Variants in UACA observed in about 807,000 individuals in gnomAD.
The protein encoded by UACA is uveal autoantigen with coiled-coil domains and ankyrin repeats.
UACA carries 112 observed loss-of-function variants against 160.5 expected under a neutral mutation model. The observed-to-expected ratio is 0.70, with a 90% CI of 0.60 to 0.82. The LOEUF (loss-of-function observed/expected upper bound fraction) is 0.82, where lower values mean the gene tolerates loss of function less well. UACA is among the 40% of genes least tolerant of loss of function. The pLI is 0.00. For synonymous variants in UACA, 557 were observed against 568.4 expected, an observed-to-expected ratio of 0.98 and a Z score of 0.29; for missense variants, 1,574 against 1,614.6, an observed-to-expected ratio of 0.97 and a Z score of 0.43.
rs370099766 is a variant in UACA, at chr15:70,763,482, G to T, written c.-75C>A. Reference sequence around the variant, plus strand: ...CAGCGCGCAAGGAGTAGACGGCAGCGGCTGCAGCAGAGGCGGCGCGGGCTG... The same window carrying T: ...CAGCGCGCAAGGAGTAGACGGCAGCTGCTGCAGCAGAGGCGGCGCGGGCTG... On this transcript the variant is annotated 5_prime_UTR_variant, in exon 1 of 19. Transcript: ENST00000322954. The T allele has an allele frequency of 4.0e-6, 5 of 1,260,634 alleles. No homozygotes were observed. Among genetic ancestry groups the T allele is most frequent in the South Asian group, 6.6e-5 (2 of 30,196 alleles). 78.1% of individuals were successfully genotyped at this position (1,260,634 alleles called of 1,614,324 possible).
intron 1 of UACA, among the ~76,000 whole-genome samples, chr15:70,749,981 A>G (rs1232353763): frequency 1.3e-5 from 2 of 152,182 alleles, no homozygotes; most frequent in Admixed American, 1.3e-4. Flanking sequence ...TGAACAGTGC[A>G]TCAAACCCAG....
At position 70,679,593 on chromosome 15, in the gene UACA, T is replaced by C. The variant is rs777097477; in HGVS notation, c.891+15A>G. ...TTGTTTTTAAAGGAAGACACCATTATTTTTTTCTTTTTACCTGAATATTTT... is the reference window on the plus strand; with the variant it reads ...TTGTTTTTAAAGGAAGACACCATTACTTTTTTCTTTTTACCTGAATATTTT... On this transcript the variant is annotated intron_variant, in intron 10 of 18. Transcript: ENST00000322954. The C allele has an allele frequency of 5.2e-6, 8 of 1,552,808 alleles. No individual in the cohort carries two copies. Among genetic ancestry groups the C allele is most frequent in the Non-Finnish European group, 7.0e-6 (8 of 1,139,596 alleles).
intron 3 of UACA, among the ~76,000 whole-genome samples, chr15:70,693,036 T>C (rs1897995037): frequency 6.6e-6 from 1 of 152,200 alleles, no homozygotes; most frequent in African/African-American, 2.4e-5. Flanking sequence ...CATTTCAAAT[T>C]TCAATTTGCT....
intron 1 of UACA, among the ~76,000 whole-genome samples, chr15:70,756,354 T>A (rs887201280): frequency 1.3e-5 from 2 of 151,610 alleles, no homozygotes; most frequent in African/African-American, 4.8e-5. Flanking sequence ...AGAGACAAGG[T>A]TTTACCATGT....
At chr15:70,687,261 T>A (rs138883182) in intron 7 of UACA, among the ~76,000 whole-genome samples, 86 of 152,320 alleles carry the variant, frequency 5.6e-4, no homozygotes, top group African/African-American at 2.0e-3. Flanking sequence ...TGGGATGTAA[T>A]TCCTCTCTCC....
chr15:70,692,822 C>T (rs1421752906), intron 3 of UACA, among the ~76,000 whole-genome samples: 2 of 152,080 alleles, frequency 1.3e-5, no homozygotes, highest in Admixed American at 6.5e-5. Context: ...GACCTTTTTG[C>T]TAGAAGAGTA....
chr15:70,713,494 G>A (rs893980513), intron 1 of UACA, among the ~76,000 whole-genome samples: 1 of 152,184 alleles, frequency 6.6e-6, no homozygotes, highest in African/African-American at 2.4e-5. Flanking sequence ...AAAGGAGCTT[G>A]GATGTCTGAA....
At position 70,669,160 on chromosome 15, in the gene UACA, C is replaced by T. The variant is rs1473730350; in HGVS notation, c.1524G>A (p.Glu508=). 6.2e-7 allele frequency: 1 copy of T among 1,614,086 alleles called. No individual in the cohort carries two copies. Among genetic ancestry groups the T allele is most frequent in the Non-Finnish European group, 8.5e-7 (1 of 1,179,996 alleles). Residue 508 remains glutamate (E), a synonymous_variant, in exon 16 of 19, where the codon GAG becomes GAA. Transcript: ENST00000322954. ...ALKDVQKRMY[E]SEGKVKQMQT... Reference sequence around the variant, plus strand: ...GCATTTGTTTAACTTTACCTTCTGACTCATACATCCTCTTCTGCACATCTT... The same window carrying T: ...GCATTTGTTTAACTTTACCTTCTGATTCATACATCCTCTTCTGCACATCTT...
At chr15:70,764,649 A>G (rs548090088), upstream of UACA, among the ~76,000 whole-genome samples, 2 of 152,258 alleles carry the variant, frequency 1.3e-5, no homozygotes, top group Non-Finnish European at 2.9e-5. Context: ...TACTGTAAGA[A>G]AGTTTTCAGA....
At chr15:70,739,303 T>C (rs1899459582) in intron 1 of UACA, among the ~76,000 whole-genome samples, 1 of 152,162 alleles carries the variant, frequency 6.6e-6, no homozygotes. Flanking sequence ...GAAGAGGTTG[T>C]CCTGCACATT....
At chr15:70,764,950 C>G (rs2030967380), upstream of UACA, among the ~76,000 whole-genome samples, 1 of 152,312 alleles carries the variant, frequency 6.6e-6, no homozygotes, top group East Asian at 1.9e-4. Flanking sequence ...AACCTTCAGT[C>G]TCTTAATTGT....
At chr15:70,712,479 C>A (rs898360321) in intron 1 of UACA, among the ~76,000 whole-genome samples, 3 of 152,104 alleles carry the variant, frequency 2.0e-5, no homozygotes, top group African/African-American at 7.2e-5. Flanking sequence ...AAAAAGGAAA[C>A]CTAATCATAC....
At chr15:70,739,902 C>G (rs1043270969) in intron 1 of UACA, among the ~76,000 whole-genome samples, 2 of 152,168 alleles carry the variant, frequency 1.3e-5, no homozygotes, top group African/African-American at 4.8e-5. Context: ...ATGCATGACC[C>G]TGGCAATTTG....
chr15:70,676,885 G>T (rs571541314), intron 12 of UACA, among the ~76,000 whole-genome samples: 1 of 152,106 alleles, frequency 6.6e-6, no homozygotes, highest in African/African-American at 2.4e-5. Flanking sequence ...AAGTTTCACA[G>T]AAAGTAAGAC....
At chr15:70,696,568 T>C (rs1898135863) in intron 2 of UACA, among the ~76,000 whole-genome samples, 1 of 152,154 alleles carries the variant, frequency 6.6e-6, no homozygotes, top group South Asian at 2.1e-4. Context: ...GTAAAGCAGG[T>C]TTGTGTACAA....
chr15:70,747,289 G>A (rs1268596202), intron 1 of UACA, among the ~76,000 whole-genome samples: 3 of 146,172 alleles, frequency 2.1e-5, no homozygotes, highest in Non-Finnish European at 4.5e-5. Flanking sequence ...CTGCTGCCAG[G>A]CTGGAGTGCA....
chr15:70,667,144 AAC>A lies in UACA; in HGVS notation c.3538_3539del (p.Val1180TrpfsTer32). On this transcript the variant is annotated frameshift_variant, in exon 16 of 19. Transcript: ENST00000322954. LOFTEE classifies it high-confidence loss of function. ...CTCTCAAGCTGGCTTTTATGATTCC[AAC>A]TTCTTTCTCAAATGCTTCTTTAATC... ...LQIKEAFEKE[V>X]GIIKASLREK... 1 of 1,613,554 alleles carries A rather than the reference AAC, an allele frequency of 6.2e-7. No individual in the cohort carries two copies. The highest frequency in any genetic ancestry group is 8.5e-7 in the Non-Finnish European group (1 of 1,179,932).
At chr15:70,737,524 C>A (rs1020599673) in intron 1 of UACA, among the ~76,000 whole-genome samples, 1 of 151,914 alleles carries the variant, frequency 6.6e-6, no homozygotes, top group Non-Finnish European at 1.5e-5. Context: ...CTGGTCAACA[C>A]GGTGAAACCC....
intron 1 of UACA, among the ~76,000 whole-genome samples, chr15:70,741,301 C>T (rs962936868): frequency 2.6e-5 from 4 of 152,240 alleles, no homozygotes; most frequent in African/African-American, 9.6e-5. Flanking sequence ...TTACATCTTA[C>T]TCTTCACTAT....
Sources: allele counts gnomAD v4.1 joint callset (sites outside exome capture counted in the v4.1 genomes callset), GRCh38; gene constraint gnomAD v4.1.1; transcripts MANE v1.5; gene names NCBI Gene and HGNC (gene_info 2026-07-23, HGNC 2026-07-21).